NALF1: variants seen among roughly 807,000 people sequenced by gnomAD.
NALF1 encodes the protein NALCN channel auxiliary factor 1, also known as family with sequence similarity 155 member A.
A neutral mutation model predicts 48.4 loss-of-function variants in NALF1; 3 were observed. The ratio of observed to expected loss-of-function variants is 0.06; its 90% CI spans 0.03 to 0.16. The LOEUF is 0.16. Ranked by LOEUF, NALF1 falls within the 10% of genes least tolerant of loss-of-function variation. The pLI is 1.00. For missense variants in NALF1, 526 were observed against 571.5 expected (o/e 0.92, Z 0.81); for synonymous variants, 262 against 245.7 (o/e 1.07, Z -0.62).
chr13:107,443,497 G>A (rs1268198820), intron 1 of NALF1, among the ~76,000 whole-genome samples: 2 of 152,148 alleles, frequency 1.3e-5, no homozygotes, highest in African/African-American at 2.4e-5. Context: ...GATTACAGGC[G>A]TGAGCCACCA....
At position 107,612,221 on chromosome 13, in the gene NALF1, G is replaced by A. The variant is rs558503385; in HGVS notation, c.915+253461C>T. Among the ~76,000 whole-genome samples the A allele has an allele frequency of 2.0e-5, 3 of 151,832 alleles. 1 individual carries two copies. In the South Asian group the frequency reaches 6.3e-4, roughly 32 times the overall value. ...ATGATTCCAATTATATGAACAATCA[G>A]AAGTTATTAAACTCAGAGAAAACAG... On this transcript the variant is annotated intron_variant, in intron 1 of 2. Transcript: ENST00000375915.
intron 2 of NALF1, among the ~76,000 whole-genome samples, chr13:107,205,231 C>G (rs185276178): frequency 8.6e-5 from 13 of 150,812 alleles, no homozygotes; most frequent in Non-Finnish European, 1.5e-4. Flanking sequence ...TTGTTCAATT[C>G]CCACCTATGA....
intron 1 of NALF1, among the ~76,000 whole-genome samples, chr13:107,383,636 C>A (rs1883477974): frequency 1.3e-5 from 2 of 152,054 alleles, no homozygotes; most frequent in African/African-American, 4.8e-5. Context: ...GATGTTTATA[C>A]CTTTGTCATG....
intron 1 of NALF1, among the ~76,000 whole-genome samples, chr13:107,304,040 C>G (rs2138895864): frequency 6.6e-6 from 1 of 152,166 alleles, no homozygotes; most frequent in South Asian, 2.1e-4. Context: ...ATCATTTGAA[C>G]CATATCGTTT....
intron 1 of NALF1, among the ~76,000 whole-genome samples, chr13:107,513,909 C>T (rs947794219): frequency 2.0e-5 from 3 of 152,198 alleles, no homozygotes; most frequent in African/African-American, 7.2e-5. Flanking sequence ...CATCCCTCCT[C>T]CTTACCAGGG....
intron 1 of NALF1, among the ~76,000 whole-genome samples, chr13:107,396,607 C>G (rs1883717019): frequency 1.3e-5 from 2 of 152,138 alleles, no homozygotes; most frequent in African/African-American, 4.8e-5. Flanking sequence ...TACAGCTTGT[C>G]ATGGAAACAA....
intron 1 of NALF1, among the ~76,000 whole-genome samples, chr13:107,434,251 A>G (rs1884428337): frequency 6.6e-6 from 1 of 152,138 alleles, no homozygotes; most frequent in Non-Finnish European, 1.5e-5. Flanking sequence ...TCATTTTTCA[A>G]TTTCTATATT....
At chr13:107,438,248 AT>A (rs1174591292) in intron 1 of NALF1, among the ~76,000 whole-genome samples, 3 of 152,268 alleles carry the variant, frequency 2.0e-5, no homozygotes, top group South Asian at 2.1e-4. Flanking sequence ...AAATCCCAAT[AT>A]TTTTTTCAGA....
chr13:107,194,065 A>T (rs2769903), intron 2 of NALF1, among the ~76,000 whole-genome samples: 2 of 147,078 alleles, frequency 1.4e-5, no homozygotes, highest in African/African-American at 5.1e-5. Flanking sequence ...TCTATATATC[A>T]ATCTATCGTT....
At chr13:107,312,750 C>T (rs1882072209) in intron 1 of NALF1, among the ~76,000 whole-genome samples, 2 of 152,166 alleles carry the variant, frequency 1.3e-5, no homozygotes, top group African/African-American at 4.8e-5. Flanking sequence ...GAAGGGGTAA[C>T]TGACCTAGCA....
chr13:107,801,481 A>G (rs1345488361), intron 1 of NALF1, among the ~76,000 whole-genome samples: 2 of 152,214 alleles, frequency 1.3e-5, no homozygotes, highest in East Asian at 1.9e-4. Context: ...GTGTTCTTAT[A>G]TATGAGAAAT....
intron 1 of NALF1, among the ~76,000 whole-genome samples, chr13:107,536,093 A>T (rs1391312906): frequency 6.6e-6 from 1 of 152,114 alleles, no homozygotes; most frequent in Non-Finnish European, 1.5e-5. Flanking sequence ...GGATTAAAGA[A>T]TTACATGTTA....
intron 1 of NALF1, among the ~76,000 whole-genome samples, chr13:107,612,355 G>A (rs2138433589): frequency 6.6e-6 from 1 of 152,212 alleles, no homozygotes; most frequent in Non-Finnish European, 1.5e-5. Context: ...GTATAACTAT[G>A]TGCATATAGT....
At chr13:107,718,028 T>A (rs1875873003) in intron 1 of NALF1, among the ~76,000 whole-genome samples, 1 of 152,194 alleles carries the variant, frequency 6.6e-6, no homozygotes, top group Admixed American at 6.5e-5. Flanking sequence ...TGGCTTTGGC[T>A]TTTGGTTCCT....
At chr13:107,284,088 T>A (rs904596208) in intron 1 of NALF1, among the ~76,000 whole-genome samples, 5 of 152,170 alleles carry the variant, frequency 3.3e-5, no homozygotes, top group Admixed American at 6.5e-5. Flanking sequence ...CAAAGGATTA[T>A]GGCTGACATA....
chr13:107,255,770 CTGTT>C (rs1880802114), intron 1 of NALF1, among the ~76,000 whole-genome samples: 2 of 152,146 alleles, frequency 1.3e-5, no homozygotes, highest in African/African-American at 4.8e-5. Flanking sequence ...GTTGAAAGGT[CTGTT>C]TGTCTAGTAA....
intron 1 of NALF1, among the ~76,000 whole-genome samples, chr13:107,276,444 G>A (rs913009742): frequency 3.3e-5 from 5 of 152,084 alleles, no homozygotes; most frequent in South Asian, 4.2e-4. Context: ...CGTAGTAGAT[G>A]CCAATGAATC....
At chr13:107,528,323 T>C (rs1351870078) in intron 1 of NALF1, among the ~76,000 whole-genome samples, 1 of 152,136 alleles carries the variant, frequency 6.6e-6, no homozygotes, top group Non-Finnish European at 1.5e-5. Flanking sequence ...TAAAACTATA[T>C]ATTCTGGTTA....
intron 1 of NALF1, among the ~76,000 whole-genome samples, chr13:107,227,968 A>G (rs1880139343): frequency 6.6e-6 from 1 of 152,250 alleles, no homozygotes; most frequent in Non-Finnish European, 1.5e-5. Context: ...GTAACATATA[A>G]GGAACCAATG....
Sources: gnomAD v4.1 joint callset for allele counts (sites outside exome capture counted in the v4.1 genomes callset) on GRCh38, gnomAD v4.1.1 for gene constraint, MANE v1.5 for transcripts, NCBI Gene and HGNC (gene_info 2026-07-23, HGNC 2026-07-21) for gene names.